Variants in ADCY2 observed in about 807,000 individuals in gnomAD.
The protein encoded by ADCY2 is adenylate cyclase type 2.
Under a neutral mutation model 125.2 loss-of-function variants are expected in ADCY2, and 31 were observed. The ratio of observed to expected loss-of-function variants is 0.25; its 90% CI spans 0.19 to 0.33. ADCY2 has a LOEUF of 0.33. Ranked by LOEUF, ADCY2 falls within the 10% of genes least tolerant of loss-of-function variation. The pLI is 1.00. For missense variants in ADCY2, 904 were observed against 1,418.2 expected (o/e 0.64, Z 5.82); for synonymous variants, 512 against 548.4 (o/e 0.93, Z 0.93).
chr5:7,598,031 A>G (rs1737068728), intron 3 of ADCY2, among the ~76,000 whole-genome samples: 2 of 152,198 alleles, frequency 1.3e-5, no homozygotes, highest in Admixed American at 1.3e-4. Flanking sequence ...ATCAAACACT[A>G]CATAGAACAC....
At chr5:7,780,575 C>T (rs748288623) in intron 18 of ADCY2, among the ~76,000 whole-genome samples, 6 of 152,086 alleles carry the variant, frequency 3.9e-5, no homozygotes, top group Non-Finnish European at 5.9e-5. Flanking sequence ...ATCAGTGAAC[C>T]GATTTTTTTA....
chr5:7,562,393 C>T (rs1332081338), intron 3 of ADCY2, among the ~76,000 whole-genome samples: 1 of 152,010 alleles, frequency 6.6e-6, no homozygotes, highest in Non-Finnish European at 1.5e-5. Flanking sequence ...ATCCTTATAG[C>T]ATCTGATAAT....
intron 4 of ADCY2, among the ~76,000 whole-genome samples, chr5:7,689,695 CT>C (rs934494780): frequency 8.5e-5 from 13 of 152,168 alleles, no homozygotes; most frequent in African/African-American, 3.1e-4. Flanking sequence ...CCCTCCTCCC[CT>C]AATCCCTCAT....
intron 24 of ADCY2, among the ~76,000 whole-genome samples, chr5:7,824,221 G>A (rs1745393170): frequency 6.6e-6 from 1 of 152,090 alleles, no homozygotes; most frequent in Non-Finnish European, 1.5e-5. Context: ...CTCCCAGCAT[G>A]CTTTCTAGCC....
chr5:7,806,560 C>T (rs941901777), intron 22 of ADCY2, among the ~76,000 whole-genome samples: 10 of 152,300 alleles, frequency 6.6e-5, no homozygotes, highest in African/African-American at 2.4e-4. Context: ...TTCTGTCTTG[C>T]ACACAGCAGC....
At position 7,773,024 on chromosome 5, in the gene ADCY2, C is replaced by G. The variant is rs769737523; in HGVS notation, c.2307C>G (p.Ala769=). 2 of 1,613,976 alleles carry G rather than the reference C, an allele frequency of 1.2e-6. No individual in the cohort carries two copies. Among genetic ancestry groups the G allele is most frequent in the African/African-American group, 2.7e-5 (2 of 74,888 alleles). ...TGAAGATGTTGATCATGATGGTGGC[C>G]TTGGTGGGCTACAACACCATCCTAC... ...YELKMLIMMV[A]LVGYNTILLH... The change falls in exon 18 of 25, where the codon GCC becomes GCG. Residue 769 remains alanine, a synonymous_variant. Coordinates refer to ENST00000338316, the MANE Select transcript of ADCY2 (RefSeq NM_020546.3).
intron 3 of ADCY2, among the ~76,000 whole-genome samples, chr5:7,624,251 G>A (rs1738050573): frequency 6.6e-6 from 1 of 152,204 alleles, no homozygotes; most frequent in African/African-American, 2.4e-5. Flanking sequence ...TTCCTCCTGT[G>A]TTCAGAACCC....
intron 2 of ADCY2, among the ~76,000 whole-genome samples, chr5:7,490,326 T>A (rs1743115044): frequency 6.6e-6 from 1 of 152,162 alleles, no homozygotes; most frequent in African/African-American, 2.4e-5. Context: ...AAGGAGAGTA[T>A]TTAACTGTTT....
chr5:7,674,448 C>G (rs950478612), intron 4 of ADCY2, among the ~76,000 whole-genome samples: 4 of 152,304 alleles, frequency 2.6e-5, no homozygotes, highest in Non-Finnish European at 4.4e-5. Flanking sequence ...GTGCTCACCC[C>G]CTGGAGGGGA....
intron 17 of ADCY2, among the ~76,000 whole-genome samples, chr5:7,770,054 T>G (rs1019028603): frequency 6.6e-6 from 1 of 152,198 alleles, no homozygotes; most frequent in Non-Finnish European, 1.5e-5. Context: ...GGATGGCTAT[T>G]TGCAGGTTCC....
chr5:7,800,982 G>T (rs1208954681), intron 20 of ADCY2: 2 of 152,204 alleles, frequency 1.3e-5, no homozygotes. Context: ...TGATTTCGTT[G>T]TTCATGTACT....
rs1225284797 is a variant in ADCY2 at position 7,557,263 on chromosome 5, A to G, written c.570+36364A>G. 2.2e-5 allele frequency among the ~76,000 whole-genome samples: 3 copies of G among 135,450 alleles called. No homozygotes were observed. The East Asian group carries it at 5.8e-4, about 26-fold the overall frequency. The allele number at this position is 135,450 out of a possible 152,430, so 88.9% of individuals were successfully genotyped here. ...GGAAGAGATGCTCAACCTCCCTAGTAATCAGAAGAATGCAAATTGAATAAC... is the reference window on the plus strand; with the variant it reads ...GGAAGAGATGCTCAACCTCCCTAGTGATCAGAAGAATGCAAATTGAATAAC... On this transcript the variant is annotated intron_variant, in intron 3 of 24. Coordinates refer to ENST00000338316, the MANE Select transcript of ADCY2 (RefSeq NM_020546.3).
intron 16 of ADCY2, among the ~76,000 whole-genome samples, chr5:7,758,746 G>A (rs1175265211): frequency 6.0e-4 from 7 of 11,576 alleles, no homozygotes; most frequent in Non-Finnish European, 4.2e-3. Flanking sequence ...GGGCCTGCTC[G>A]ATGGAATCCT....
chr5:7,528,872 A>G (rs1340590557), intron 3 of ADCY2, among the ~76,000 whole-genome samples: 1 of 152,230 alleles, frequency 6.6e-6, no homozygotes, highest in Non-Finnish European at 1.5e-5. Flanking sequence ...TACTAATTCT[A>G]GGCATCTATT....
chr5:7,410,044 A>G (rs1265460993), intron 1 of ADCY2, among the ~76,000 whole-genome samples: 1 of 152,220 alleles, frequency 6.6e-6, no homozygotes, highest in East Asian at 1.9e-4. Flanking sequence ...CTAAAGGCTG[A>G]TTTCATTTTT....
chr5:7,742,093 T>C (rs2126430427), intron 14 of ADCY2, among the ~76,000 whole-genome samples: 2 of 150,278 alleles, frequency 1.3e-5, no homozygotes, highest in East Asian at 3.9e-4. Context: ...TGGCATTACC[T>C]TAACACCGAG....
intron 20 of ADCY2, chr5:7,800,961 A>G (rs1010012785): frequency 6.6e-6 from 1 of 152,184 alleles, no homozygotes; most frequent in African/African-American, 2.4e-5. Context: ...ACAAAATAGA[A>G]AAGAAAACCT....
At chr5:7,464,932 C>G (rs1302050607) in intron 2 of ADCY2, among the ~76,000 whole-genome samples, 1 of 152,138 alleles carries the variant, frequency 6.6e-6, no homozygotes, top group Non-Finnish European at 1.5e-5. Flanking sequence ...ACCCACAGTT[C>G]TATGTGGCTA....
Position 7,698,333 on chromosome 5 carries a change from G to T in ADCY2, c.1068G>T (p.Lys356Asn), listed in dbSNP as rs749890914. The T allele has an allele frequency of 6.2e-7, 1 of 1,614,182 alleles. No homozygotes were observed. The highest frequency in any genetic ancestry group is 1.7e-5 in the Admixed American group (1 of 60,028). The change falls in exon 7 of 25, where the codon AAG (lysine) becomes AAT (asparagine). Residue 356 changes from lysine (K) to asparagine (N), a missense_variant. Physicochemically the swap from Lys to Asn is moderately conservative, Grantham distance 94 (BLOSUM62 0). Transcript: ENST00000338316. ...GLPISLPNHA[K>N]NCVKMGLDMC... Reference sequence around the variant, plus strand: ...CTATATCTCTCCCTAACCATGCCAAGAACTGTGTGAAAATGGGGCTGGACA... The same window carrying T: ...CTATATCTCTCCCTAACCATGCCAATAACTGTGTGAAAATGGGGCTGGACA...
Sources: gnomAD v4.1 joint callset for allele counts (sites outside exome capture counted in the v4.1 genomes callset) on GRCh38, gnomAD v4.1.1 for gene constraint, MANE v1.5 for transcripts, NCBI Gene and HGNC (gene_info 2026-07-23, HGNC 2026-07-21) for gene names.